The following LRMDA variants were observed in gnomAD, a reference collection of about 807,000 sequenced individuals.
LRMDA encodes leucine rich melanocyte differentiation associated.
LRMDA carries 18 observed loss-of-function variants against 29.8 expected under a neutral mutation model. The ratio of observed to expected loss-of-function variants is 0.60; its 90% CI spans 0.42 to 0.90. The LOEUF is 0.90. Ranked by LOEUF, LRMDA falls within the 40% of genes least tolerant of loss-of-function variation. LRMDA has a pLI of 0.00. For missense variants in LRMDA, 273 were observed against 273.9 expected, an observed-to-expected ratio of 1.00 and a Z score of 0.02; for synonymous variants, 125 against 109.4, an observed-to-expected ratio of 1.14 and a Z score of -0.89.
chr10:76,116,728 C>T (rs191374851), intron 5 of LRMDA, among the ~76,000 whole-genome samples: 1 of 152,226 alleles, frequency 6.6e-6, no homozygotes, highest in East Asian at 1.9e-4. Flanking sequence ...CTCAAGGCAG[C>T]CGTTTTGATT....
At chr10:75,865,458 A>C (rs528747462) in intron 2 of LRMDA, among the ~76,000 whole-genome samples, 34 of 152,352 alleles carry the variant, frequency 2.2e-4, no homozygotes, top group Non-Finnish European at 4.3e-4. Flanking sequence ...GGTTCTTTAC[A>C]TATATTATTT....
intron 2 of LRMDA, among the ~76,000 whole-genome samples, chr10:75,508,138 G>T (rs1215577552): frequency 6.6e-6 from 1 of 152,184 alleles, no homozygotes; most frequent in Non-Finnish European, 1.5e-5. Context: ...CTGTGTGGGG[G>T]TAATGTTAAT....
At chr10:75,780,226 T>C (rs1843364694) in intron 2 of LRMDA, among the ~76,000 whole-genome samples, 1 of 152,234 alleles carries the variant, frequency 6.6e-6, no homozygotes, top group South Asian at 2.1e-4. Flanking sequence ...TTGCATTTAT[T>C]GTCATGGCTA....
At chr10:76,155,013 G>A (rs954100312) in intron 5 of LRMDA, among the ~76,000 whole-genome samples, 2 of 152,064 alleles carry the variant, frequency 1.3e-5, no homozygotes, top group Non-Finnish European at 2.9e-5. Flanking sequence ...CAGAACTTAA[G>A]TTACATGACC....
chr10:75,741,293 G>C (rs779923113), intron 2 of LRMDA, among the ~76,000 whole-genome samples: 10 of 152,146 alleles, frequency 6.6e-5, no homozygotes, highest in African/African-American at 2.4e-4. Context: ...CTGTTTTCTT[G>C]CTGGCTGTTG....
At chr10:75,794,012 GT>G (rs1843612038) in intron 2 of LRMDA, among the ~76,000 whole-genome samples, 1 of 152,222 alleles carries the variant, frequency 6.6e-6, no homozygotes, top group South Asian at 2.1e-4. Context: ...GCATGGCTAT[GT>G]TCCAATCAAC....
In LRMDA at chr10:76,417,753, C is replaced by G. The variant is rs558818189; in HGVS notation, c.601+93268C>G. Among the ~76,000 whole-genome samples the G allele has an allele frequency of 2.0e-5, 3 of 152,124 alleles. No individual in the cohort carries two copies. The East Asian group carries it at 5.8e-4, about 29-fold the overall frequency. On this transcript the variant is annotated intron_variant, in intron 6 of 6. Transcript: ENST00000611255. Reference sequence around the variant, plus strand: ...TAGTATTTTTGAAGTCCTGTCTAAGCAACATTTGTCTACTCAAAGGTCATG... The same window carrying G: ...TAGTATTTTTGAAGTCCTGTCTAAGGAACATTTGTCTACTCAAAGGTCATG...
intron 6 of LRMDA, chr10:76,346,522 GT>G (rs1841110380): frequency 6.6e-6 from 1 of 152,078 alleles, no homozygotes; most frequent in African/African-American, 2.4e-5. Flanking sequence ...AAATATGCTG[GT>G]AAATAAAGAA....
chr10:76,087,565 C>T (rs1849157530), intron 5 of LRMDA, among the ~76,000 whole-genome samples: 1 of 152,070 alleles, frequency 6.6e-6, no homozygotes, highest in South Asian at 2.1e-4. Context: ...AAGCCAGGTC[C>T]TCAGTGTAGC....
intron 6 of LRMDA, among the ~76,000 whole-genome samples, chr10:76,324,781 A>G (rs1005364463): frequency 4.9e-4 from 74 of 152,210 alleles, no homozygotes; most frequent in Non-Finnish European, 2.9e-5. Flanking sequence ...TGTTAACTCC[A>G]GTATTAGTGA....
intron 2 of LRMDA, among the ~76,000 whole-genome samples, chr10:75,730,394 C>A (rs1254615766): frequency 1.3e-5 from 2 of 152,142 alleles, no homozygotes; most frequent in Non-Finnish European, 2.9e-5. Flanking sequence ...GGTGACTGAT[C>A]TGTCCCTCCC....
In LRMDA at chr10:76,453,214, CT is replaced by C. The variant is rs149895355; in HGVS notation, c.602-103991del. Reference sequence around the variant, plus strand: ...GATCAGTGGGTTGGATCCATTGACTCTTTTAATCAGGCTAAATATGCTGTCC... The same window carrying C: ...GATCAGTGGGTTGGATCCATTGACTCTTTAATCAGGCTAAATATGCTGTCC... On this transcript the variant is annotated intron_variant, in intron 6 of 6. Coordinates refer to ENST00000611255, the MANE Select transcript of LRMDA (RefSeq NM_001305581.2). Among the ~76,000 whole-genome samples the C allele has an allele frequency of 5.0e-3, 756 of 152,312 alleles. 1 individual carries two copies. The highest frequency in any genetic ancestry group is 0.017 in the African/African-American group (712 of 41,564).
intron 6 of LRMDA, among the ~76,000 whole-genome samples, chr10:76,523,487 CA>C (rs1347121390): frequency 6.6e-6 from 1 of 152,082 alleles, no homozygotes; most frequent in East Asian, 1.9e-4. Flanking sequence ...AGAGTTGGTT[CA>C]AATGCCACTG....
intron 2 of LRMDA, among the ~76,000 whole-genome samples, chr10:75,600,576 G>A (rs997242776): frequency 2.0e-5 from 3 of 152,188 alleles, no homozygotes; most frequent in Non-Finnish European, 2.9e-5. Context: ...GAGGTCATGA[G>A]CAGGTCAAAG....
At chr10:76,507,262 T>C (rs1842968526) in intron 6 of LRMDA, among the ~76,000 whole-genome samples, 1 of 152,056 alleles carries the variant, frequency 6.6e-6, no homozygotes, top group African/African-American at 2.4e-5. Flanking sequence ...GAAATGTCTA[T>C]TCAGATCTTT....
intron 2 of LRMDA, among the ~76,000 whole-genome samples, chr10:75,440,895 G>A (rs1199413372): frequency 6.6e-6 from 1 of 152,092 alleles, no homozygotes; most frequent in Non-Finnish European, 1.5e-5. Flanking sequence ...AAATTAGCTA[G>A]GCATGGTGGT....
chr10:76,525,509 A>G (rs1843165137), intron 6 of LRMDA, among the ~76,000 whole-genome samples: 1 of 152,076 alleles, frequency 6.6e-6, no homozygotes, highest in African/African-American at 2.4e-5. Context: ...TAAGCTCCAC[A>G]GTAGGGGGTA....
chr10:75,734,859 C>G (rs1445375267), intron 2 of LRMDA, among the ~76,000 whole-genome samples: 1 of 152,218 alleles, frequency 6.6e-6, no homozygotes, highest in African/African-American at 2.4e-5. Context: ...TAGTTATTTG[C>G]TCAGATTCCA....
At position 75,508,947 on chromosome 10, in the gene LRMDA, T is replaced by C. The variant is rs149559754; in HGVS notation, c.131+70453T>C. Among the ~76,000 whole-genome samples the C allele has an allele frequency of 2.8e-3, 433 of 152,380 alleles. 6 individuals are homozygous for C. Among genetic ancestry groups the C allele is most frequent in the African/African-American group, 0.01 (420 of 41,594 alleles). The stretch of plus-strand genomic sequence containing the variant: ...CACCTGGCGTGCATCTTAGATTCCA[T>C]GTGGTTGATTCTGTTATCTGTGGTT... On this transcript the variant is annotated intron_variant, in intron 2 of 6. Coordinates refer to ENST00000611255, the MANE Select transcript of LRMDA (RefSeq NM_001305581.2).
Sources: gnomAD v4.1 joint callset for allele counts (sites outside exome capture counted in the v4.1 genomes callset) on GRCh38, gnomAD v4.1.1 for gene constraint, MANE v1.5 for transcripts, NCBI Gene and HGNC (gene_info 2026-07-23, HGNC 2026-07-21) for gene names.